The following MLLT3 variants were observed in gnomAD, a reference collection of about 807,000 sequenced individuals.
MLLT3 encodes the protein protein AF-9.
MLLT3 carries 4 observed loss-of-function variants against 53.2 expected under a neutral mutation model. The observed-to-expected ratio is 0.08, with a 90% CI of 0.04 to 0.17. The LOEUF (loss-of-function observed/expected upper bound fraction) is 0.17. Ranked by LOEUF, MLLT3 falls within the 10% of genes least tolerant of loss-of-function variation. The pLI, the probability that MLLT3 is intolerant of heterozygous loss-of-function variation, is 1.00. For synonymous variants in MLLT3, 283 were observed against 230.6 expected, an observed-to-expected ratio of 1.23 and a Z score of -2.06; for missense variants, 569 against 684.0, an observed-to-expected ratio of 0.83 and a Z score of 1.87.
At chr9:20,535,094 G>A (rs1411728) in intron 2 of MLLT3, among the ~76,000 whole-genome samples, 2 of 152,196 alleles carry the variant, frequency 1.3e-5, no homozygotes, top group African/African-American at 2.4e-5. Context: ...TGTTAGGTAC[G>A]GGGCCACACG....
In MLLT3 at chr9:20,361,630, T is replaced by A. The variant is rs548866482; in HGVS notation, c.1332-789A>T. Among the ~76,000 whole-genome samples the A allele has an allele frequency of 2.9e-4, 44 of 152,284 alleles. 1 individual carries two copies. Among genetic ancestry groups the A allele is most frequent in the Non-Finnish European group, 5.4e-4 (37 of 68,006 alleles). ...CTTTGGAAAACTACAATGATATATTTTAAAAATTAAAGAACTAAAGACAAT... is the reference window on the plus strand; with the variant it reads ...CTTTGGAAAACTACAATGATATATTATAAAAATTAAAGAACTAAAGACAAT... On this transcript the variant is annotated intron_variant, in intron 7 of 10. Coordinates refer to ENST00000380338, the MANE Select transcript of MLLT3 (RefSeq NM_004529.4).
At chr9:20,470,102 TG>T (rs1028577455) in intron 2 of MLLT3, among the ~76,000 whole-genome samples, 3 of 152,142 alleles carry the variant, frequency 2.0e-5, no homozygotes, top group Non-Finnish European at 4.4e-5. Context: ...TTTGTTGACT[TG>T]AATGTCCAGT....
intron 2 of MLLT3, among the ~76,000 whole-genome samples, chr9:20,615,710 T>C (rs1157762188): frequency 1.3e-5 from 2 of 151,926 alleles, no homozygotes; most frequent in South Asian, 2.1e-4. Flanking sequence ...GTTAAATCTA[T>C]ATATATAATA....
intron 4 of MLLT3, among the ~76,000 whole-genome samples, chr9:20,435,739 T>C (rs1439770041): frequency 6.6e-6 from 1 of 152,124 alleles, no homozygotes; most frequent in East Asian, 1.9e-4. Flanking sequence ...CAAAAGAAAT[T>C]AGTTTTGTAT....
At chr9:20,622,095 G>C (rs929391916) in intron 1 of MLLT3, 150 bp downstream of exon 1, 23 of 931,280 alleles carry the variant, frequency 2.5e-5, no homozygotes, top group Non-Finnish European at 3.3e-5. Flanking sequence ...GGGGAGCGGA[G>C]GCTGAGGGAG....
At chr9:20,534,171 G>T (rs917473480) in intron 2 of MLLT3, among the ~76,000 whole-genome samples, 5 of 152,148 alleles carry the variant, frequency 3.3e-5, no homozygotes, top group African/African-American at 1.2e-4. Context: ...TTTCGAAAGA[G>T]AAATGTTTAG....
In MLLT3 at chr9:20,620,946, A is replaced by G; in HGVS notation, c.13-112T>C. 1 of 1,204,112 alleles carries G rather than the reference A, an allele frequency of 8.3e-7. No individual in the cohort carries two copies. The highest frequency in any genetic ancestry group is 1.2e-6 in the Non-Finnish European group (1 of 833,920). The allele number at this position is 1,204,112 out of a possible 1,614,324, so 74.6% of individuals were successfully genotyped here. ...CTTCTTGAAACGCACATAAAAGGAA[A>G]CGGCGGTGCCCTCTGCATCCACGTT... On this transcript the variant is annotated intron_variant, in intron 1 of 10. Coordinates refer to ENST00000380338, the MANE Select transcript of MLLT3 (RefSeq NM_004529.4). This position sits in a 1 kb window ranked among gnomAD's most constrained non-coding sequence, Gnocchi z 6.1.
intron 2 of MLLT3, among the ~76,000 whole-genome samples, chr9:20,588,435 T>C (rs1195093277): frequency 6.6e-6 from 1 of 152,092 alleles, no homozygotes; most frequent in Non-Finnish European, 1.5e-5. Flanking sequence ...CCTTGGGCAG[T>C]ATGGCCATTT....
chr9:20,429,266 G>A (rs1329838132), intron 4 of MLLT3, among the ~76,000 whole-genome samples: 1 of 152,080 alleles, frequency 6.6e-6, no homozygotes, highest in Non-Finnish European at 1.5e-5. Context: ...TAATCAGCAG[G>A]CTGAGGCAGG....
In MLLT3 at chr9:20,620,252, AACACACAC is replaced by A. The variant is rs60526002; in HGVS notation, c.193+394_193+401del. Among the ~76,000 whole-genome samples, 6,082 of 142,572 alleles carry A rather than the reference AACACACAC, an allele frequency of 0.043. 252 individuals are homozygous for A. The highest frequency in any genetic ancestry group is 0.14 in the East Asian group (643 of 4,732). The allele number at this position is 142,572 out of a possible 152,430, so 93.5% of individuals were successfully genotyped here. ...AGGTAAATCTTAATTTCTCTAGGAAAACACACACACACACACACACACACACACACACA... is the reference window on the plus strand; with the variant it reads ...AGGTAAATCTTAATTTCTCTAGGAAAACACACACACACACACACACACACA... On this transcript the variant is annotated intron_variant, in intron 2 of 10. Coordinates refer to ENST00000380338, the MANE Select transcript of MLLT3 (RefSeq NM_004529.4). This position sits in a 1 kb window ranked among gnomAD's most constrained non-coding sequence, Gnocchi z 6.1.
intron 2 of MLLT3, among the ~76,000 whole-genome samples, chr9:20,618,470 CTGGGTGATGT>C (rs1820894387): frequency 6.6e-6 from 1 of 152,210 alleles, no homozygotes; most frequent in Non-Finnish European, 1.5e-5. Context: ...AAGGTCTCTC[CTGGGTGATGT>C]AAGCTGGCAC....
At chr9:20,488,273 G>A (rs1208278798) in intron 2 of MLLT3, among the ~76,000 whole-genome samples, 3 of 152,014 alleles carry the variant, frequency 2.0e-5, no homozygotes, top group African/African-American at 4.8e-5. Context: ...AAAGCTCTGA[G>A]GATGGATAGT....
intron 2 of MLLT3, among the ~76,000 whole-genome samples, chr9:20,609,245 A>G (rs1301003018): frequency 1.3e-5 from 2 of 151,858 alleles, no homozygotes; most frequent in Admixed American, 6.6e-5. Flanking sequence ...AAAGTTATAC[A>G]GCATGTTACA....
chr9:20,444,168 A>T (rs899518413), intron 4 of MLLT3, among the ~76,000 whole-genome samples: 9 of 152,184 alleles, frequency 5.9e-5, no homozygotes, highest in African/African-American at 2.2e-4. Context: ...AAAAGTGATA[A>T]GGGAATAGAG....
At chr9:20,615,359 T>TG (rs1328614617) in intron 2 of MLLT3, among the ~76,000 whole-genome samples, 3 of 37,514 alleles carry the variant, frequency 8.0e-5, no homozygotes, top group African/African-American at 1.1e-4. Context: ...CCAGACCATG[T>TG]GAAAAAAAAA....
chr9:20,597,253 C>A (rs549995234), intron 2 of MLLT3, among the ~76,000 whole-genome samples: 2 of 151,986 alleles, frequency 1.3e-5, no homozygotes, highest in Admixed American at 1.3e-4. Context: ...CTCAGCCTGG[C>A]ACACAGTAGG....
At chr9:20,489,605 G>A (rs1414651563) in intron 2 of MLLT3, among the ~76,000 whole-genome samples, 2 of 152,094 alleles carry the variant, frequency 1.3e-5, no homozygotes, top group Non-Finnish European at 2.9e-5. Flanking sequence ...TTTATACTCA[G>A]CCATCACAAT....
chr9:20,613,053 C>A (rs1246166851), intron 2 of MLLT3, among the ~76,000 whole-genome samples: 1 of 152,014 alleles, frequency 6.6e-6, no homozygotes, highest in East Asian at 1.9e-4. Flanking sequence ...GTAAAGTATA[C>A]AATATATTCC....
intron 2 of MLLT3, among the ~76,000 whole-genome samples, chr9:20,463,312 G>A (rs747465343): frequency 4.6e-5 from 7 of 151,818 alleles, no homozygotes; most frequent in Non-Finnish European, 7.4e-5. Context: ...TTTAACATAC[G>A]CACAACATTT....
Sources: gnomAD v4.1 joint callset for allele counts (sites outside exome capture counted in the v4.1 genomes callset) on GRCh38, gnomAD v4.1.1 for gene constraint, Gnocchi (gnomAD v3.1) non-coding constraint, MANE v1.5 for transcripts, NCBI Gene and HGNC (gene_info 2026-07-23, HGNC 2026-07-21) for gene names.